The following WDR41 variants were observed in gnomAD, a reference collection of about 807,000 sequenced individuals.
WDR41 encodes the protein WD repeat-containing protein 41.
WDR41 carries 63 observed loss-of-function variants against 69.3 expected under a neutral mutation model. The ratio of observed to expected loss-of-function variants is 0.91; its 90% CI spans 0.74 to 1.12. WDR41 has a LOEUF of 1.12. Among genes scored for constraint, WDR41 ranks in the 50% most tolerant of loss-of-function variants. WDR41 has a pLI of 0.00. For synonymous variants in WDR41, 185 were observed against 192.1 expected (o/e 0.96, Z 0.31); for missense variants, 543 against 534.5 (o/e 1.02, Z -0.16).
intron 2 of WDR41, among the ~76,000 whole-genome samples, chr5:77,466,621 T>C (rs1357597207): frequency 6.6e-6 from 1 of 151,946 alleles, no homozygotes; most frequent in Non-Finnish European, 1.5e-5. Context: ...GCTGAGAGTT[T>C]AGAAATGGGA....
chr5:77,438,493 A>T, intron 9 of WDR41, 132 bp from the exon 10 acceptor site: 2 of 1,292,844 alleles, frequency 1.5e-6, no homozygotes, highest in Non-Finnish European at 1.0e-6. Flanking sequence ...CCCAAATTAC[A>T]GTACTAATCT....
At chr5:77,577,469 C>T (rs1002472026) in intron 1 of WDR41, among the ~76,000 whole-genome samples, 5 of 152,112 alleles carry the variant, frequency 3.3e-5, no homozygotes, top group African/African-American at 7.2e-5. Flanking sequence ...TCATTTCACA[C>T]TAATCAGAAT....
intron 1 of WDR41, among the ~76,000 whole-genome samples, chr5:77,497,481 T>C (rs1801950619): frequency 6.6e-6 from 1 of 152,132 alleles, no homozygotes; most frequent in African/African-American, 2.4e-5. Flanking sequence ...TGAATGGTCA[T>C]TAAGCACCTG....
intron 1 of WDR41, among the ~76,000 whole-genome samples, chr5:77,504,891 A>C (rs1015497616): frequency 6.6e-6 from 1 of 152,206 alleles, no homozygotes; most frequent in Non-Finnish European, 1.5e-5. Flanking sequence ...AATAAGAGAT[A>C]TTTATGACAA....
At chr5:77,487,045 G>A (rs1377692050) in intron 2 of WDR41, among the ~76,000 whole-genome samples, 1 of 152,114 alleles carries the variant, frequency 6.6e-6, no homozygotes, top group Non-Finnish European at 1.5e-5. Context: ...TATTCTATAG[G>A]CTGGCCTCTT....
At chr5:77,620,482 A>C (rs148586700) in exon 1 of WDR41, 1 of 441,726 alleles carries the variant, frequency 2.3e-6, no homozygotes, top group Non-Finnish European at 4.5e-6. Flanking sequence ...CACATACCTC[A>C]CCAGTTTCCC....
intron 1 of WDR41, among the ~76,000 whole-genome samples, chr5:77,597,222 T>C (rs932799704): frequency 1.5e-4 from 23 of 152,128 alleles, no homozygotes; most frequent in Admixed American, 4.6e-4. Flanking sequence ...AGACCACTCT[T>C]TGAGAACCAC....
chr5:77,588,812 TTA>T (rs1397392832), intron 1 of WDR41, among the ~76,000 whole-genome samples: 2 of 152,356 alleles, frequency 1.3e-5, no homozygotes, highest in East Asian at 3.9e-4. Context: ...ATCTTTAATA[TTA>T]TTGTTGATTC....
upstream of WDR41, among the ~76,000 whole-genome samples, chr5:77,497,078 C>A (rs1801945789): frequency 6.6e-6 from 1 of 152,102 alleles, no homozygotes; most frequent in Non-Finnish European, 1.5e-5. Context: ...TTATCTTATA[C>A]CATACACAAA....
At chr5:77,573,367 CT>C (rs1339874513) in intron 1 of WDR41, among the ~76,000 whole-genome samples, 3 of 151,994 alleles carry the variant, frequency 2.0e-5, no homozygotes, top group Non-Finnish European at 4.4e-5. Context: ...TTTGCCACAC[CT>C]ATCAGATTCT....
intron 2 of WDR41, among the ~76,000 whole-genome samples, chr5:77,470,711 T>A (rs1800551028): frequency 6.6e-6 from 1 of 152,126 alleles, no homozygotes; most frequent in Non-Finnish European, 1.5e-5. Flanking sequence ...AAGGGATCAA[T>A]TCACAAGAAG....
chr5:77,580,697 T>G (rs2112289814), intron 1 of WDR41, among the ~76,000 whole-genome samples: 1 of 152,254 alleles, frequency 6.6e-6, no homozygotes, highest in African/African-American at 2.4e-5. Flanking sequence ...GGTTCATGCG[T>G]GTAATCACAG....
chr5:77,563,856 C>A (rs997937758), intron 1 of WDR41, among the ~76,000 whole-genome samples: 2 of 152,048 alleles, frequency 1.3e-5, no homozygotes, highest in African/African-American at 4.8e-5. Context: ...TGCTTTTGAT[C>A]CCCCTGAGTG....
chr5:77,464,126 CTT>C (rs2151324802), intron 3 of WDR41, among the ~76,000 whole-genome samples: 1 of 152,046 alleles, frequency 6.6e-6, no homozygotes, highest in Admixed American at 6.6e-5. Flanking sequence ...TGAAAGAAAA[CTT>C]GTGTGTCTCA....
intron 1 of WDR41, chr5:77,545,808 TC>T: frequency 1.9e-6 from 2 of 1,027,066 alleles, no homozygotes; most frequent in Non-Finnish European, 2.8e-6. Flanking sequence ...TGTTAAGTGC[TC>T]CAAGGAGGTG....
intron 1 of WDR41, among the ~76,000 whole-genome samples, chr5:77,571,842 G>C (rs1163242263): frequency 6.6e-6 from 1 of 152,172 alleles, no homozygotes; most frequent in African/African-American, 2.4e-5. Context: ...CTTGGCTCAG[G>C]CACTAATTGC....
At chr5:77,519,839 C>T (rs1270696005) in intron 1 of WDR41, among the ~76,000 whole-genome samples, 3 of 151,250 alleles carry the variant, frequency 2.0e-5, no homozygotes, top group Admixed American at 1.3e-4. Flanking sequence ...AGATTCAAAG[C>T]TCCAGAAGGT....
intron 1 of WDR41, among the ~76,000 whole-genome samples, chr5:77,544,287 G>A (rs187219948): frequency 1.3e-5 from 2 of 151,998 alleles, no homozygotes; most frequent in South Asian, 2.1e-4. Flanking sequence ...TACAGGCAAC[G>A]AATAGCACAA....
At chr5:77,548,443 C>T (rs1193242966) in intron 1 of WDR41, among the ~76,000 whole-genome samples, 1 of 151,654 alleles carries the variant, frequency 6.6e-6, no homozygotes, top group Non-Finnish European at 1.5e-5. Flanking sequence ...AAGAAAAAAA[C>T]AATCTCATCA....
Sources: gnomAD v4.1 joint callset for allele counts (sites outside exome capture counted in the v4.1 genomes callset) on GRCh38, gnomAD v4.1.1 for gene constraint, MANE v1.5 for transcripts, NCBI Gene and HGNC (gene_info 2026-07-23, HGNC 2026-07-21) for gene names.